PDZRN4: variants seen among roughly 807,000 people sequenced by gnomAD.
PDZRN4 encodes PDZ domain containing ring finger 4.
Under a neutral mutation model 99.0 loss-of-function variants are expected in PDZRN4, and 70 were observed. The ratio of observed to expected loss-of-function variants is 0.71; its 90% confidence interval spans 0.58 to 0.86. PDZRN4 has a LOEUF of 0.86. Ranked by LOEUF, PDZRN4 falls within the 40% of genes least tolerant of loss-of-function variation. The probability of loss-of-function intolerance (pLI) is 0.00; values close to 1 mark genes in which losing one functional copy is unlikely to be tolerated. For synonymous variants in PDZRN4, 551 were observed against 501.6 expected (o/e 1.10, Z -1.32); for missense variants, 1,474 against 1,331.2 (o/e 1.11, Z -1.67).
intron 5 of PDZRN4, among the ~76,000 whole-genome samples, chr12:41,533,453 G>T (rs903943148): frequency 6.6e-6 from 1 of 152,148 alleles, no homozygotes; most frequent in Admixed American, 6.5e-5. Context: ...GATTACAGGC[G>T]TGAGCCACTG....
chr12:41,528,514 C>T (rs556574364), intron 5 of PDZRN4, among the ~76,000 whole-genome samples: 1 of 152,288 alleles, frequency 6.6e-6, no homozygotes, highest in East Asian at 1.9e-4. Flanking sequence ...GGTCTGCCCA[C>T]TGTGTGGTCA....
rs1216910552 is a variant in PDZRN4 at position 41,188,799 on chromosome 12, G to A, written c.344G>A (p.Arg115His). Residue 115 changes from arginine (R) to histidine (H), a missense_variant, in exon 1 of 10, where the codon CGC becomes CAC. By Grantham distance (29) the Arg-to-His change is conservative (BLOSUM62 0). Transcript: ENST00000402685. The part of the protein sequence containing the change: ...DFGPARRLRS[R>H]GGCASGLGGG... ...GGCCCTGCCCGCCGGCTCCGCAGCC[G>A]CGGGGGCTGCGCTTCGGGGCTGGGC... The A allele has an allele frequency of 7.4e-7, 1 of 1,353,578 alleles. No individual in the cohort carries two copies. The highest frequency in any genetic ancestry group is 4.0e-5 in the Admixed American group (1 of 24,804). The allele number at this position is 1,353,578 out of a possible 1,614,324, so 83.8% of individuals were successfully genotyped here.
At chr12:41,406,673 C>A (rs1173185822) in intron 3 of PDZRN4, among the ~76,000 whole-genome samples, 1 of 151,918 alleles carries the variant, frequency 6.6e-6, no homozygotes, top group African/African-American at 2.4e-5. Context: ...GCGGGCAGAT[C>A]ACCTGAGGTC....
intron 3 of PDZRN4, among the ~76,000 whole-genome samples, chr12:41,438,356 T>A (rs568511321): frequency 6.6e-6 from 1 of 152,326 alleles, no homozygotes; most frequent in East Asian, 1.9e-4. Flanking sequence ...ATCAATTGTA[T>A]CATTGTCTGC....
At chr12:41,281,080 G>T (rs1450173972) in intron 3 of PDZRN4, among the ~76,000 whole-genome samples, 1 of 147,784 alleles carries the variant, frequency 6.8e-6, no homozygotes, top group Admixed American at 7.0e-5. Flanking sequence ...ACAGGGTCTG[G>T]AGTGGACCCA....
At chr12:41,269,329 T>G (rs1197267112) in intron 3 of PDZRN4, among the ~76,000 whole-genome samples, 1 of 152,188 alleles carries the variant, frequency 6.6e-6, no homozygotes, top group Non-Finnish European at 1.5e-5. Context: ...GAGAAAGCTA[T>G]ATAGAAATTT....
At chr12:41,465,509 A>G (rs1952916283) in intron 3 of PDZRN4, among the ~76,000 whole-genome samples, 1 of 152,226 alleles carries the variant, frequency 6.6e-6, no homozygotes, top group Non-Finnish European at 1.5e-5. Context: ...AACTTTATAA[A>G]TGGAAAGATT....
intron 3 of PDZRN4, among the ~76,000 whole-genome samples, chr12:41,405,950 C>A (rs1952345147): frequency 6.7e-6 from 1 of 149,260 alleles, no homozygotes; most frequent in Non-Finnish European, 1.5e-5. Context: ...AATACTACAG[C>A]AGGGTGGGGG....
chr12:41,510,949 A>G (rs12822321), intron 5 of PDZRN4, among the ~76,000 whole-genome samples: 7,914 of 152,110 alleles, frequency 0.052, 305 homozygotes, highest in South Asian at 0.08. Context: ...TTCATGTTAA[A>G]TTTTTACCTC....
In PDZRN4 at chr12:41,572,432, G is replaced by A; in HGVS notation, c.1653G>A (p.Lys551=). 1.2e-6 allele frequency: 2 copies of A among 1,614,120 alleles called. No individual in the cohort carries two copies. Among genetic ancestry groups the A allele is most frequent in the Non-Finnish European group, 1.7e-6 (2 of 1,179,996 alleles). ...TATSSSNNHE[K]DSGVGRTDES... Reference sequence around the variant, plus strand: ...CATCCTCATCCAACAACCATGAGAAGGACAGTGGAGTAGGACGTACAGATG... The same window carrying A: ...CATCCTCATCCAACAACCATGAGAAAGACAGTGGAGTAGGACGTACAGATG... The change falls in exon 10 of 10, where the codon AAG becomes AAA. Residue 551 remains lysine, a synonymous_variant. Coordinates refer to ENST00000402685, the MANE Select transcript of PDZRN4 (RefSeq NM_001164595.2).
At chr12:41,381,218 A>G (rs1431739907) in intron 3 of PDZRN4, among the ~76,000 whole-genome samples, 1 of 152,126 alleles carries the variant, frequency 6.6e-6, no homozygotes, top group African/African-American at 2.4e-5. Context: ...GATTAAACCT[A>G]TTTAGGACTA....
At chr12:41,353,783 C>CAACA (rs1348328561) in intron 3 of PDZRN4, among the ~76,000 whole-genome samples, 1 of 152,040 alleles carries the variant, frequency 6.6e-6, no homozygotes, top group Non-Finnish European at 1.5e-5. Context: ...GTAATTCTTC[C>CAACA]AACAATTGCC....
intron 3 of PDZRN4, among the ~76,000 whole-genome samples, chr12:41,215,384 T>C (rs929271659): frequency 6.6e-6 from 1 of 152,046 alleles, no homozygotes; most frequent in Non-Finnish European, 1.5e-5. Flanking sequence ...CCAGACCTAG[T>C]GAAATAATCT....
chr12:41,499,799 G>A (rs1458142926), intron 3 of PDZRN4, among the ~76,000 whole-genome samples: 2 of 151,978 alleles, frequency 1.3e-5, no homozygotes, highest in Non-Finnish European at 2.9e-5. Context: ...TCTGTAGAAG[G>A]GATCAGAAGC....
chr12:41,471,239 C>T (rs953232200), intron 3 of PDZRN4, among the ~76,000 whole-genome samples: 44 of 152,160 alleles, frequency 2.9e-4, no homozygotes, highest in African/African-American at 9.9e-4. Context: ...TTTCTGTTAA[C>T]CAACATCATG....
intron 3 of PDZRN4, among the ~76,000 whole-genome samples, chr12:41,347,389 T>C (rs1165211178): frequency 1.3e-5 from 2 of 152,162 alleles, no homozygotes; most frequent in African/African-American, 4.8e-5. Context: ...ATTTTGCTAA[T>C]GACTAATGAC....
At chr12:41,382,403 A>ACTT (rs892729162) in intron 3 of PDZRN4, among the ~76,000 whole-genome samples, 4 of 152,184 alleles carry the variant, frequency 2.6e-5, no homozygotes, top group African/African-American at 9.7e-5. Context: ...CTGATTGCAA[A>ACTT]CTTAGGAAAT....
At chr12:41,305,671 T>C (rs1951564865) in intron 3 of PDZRN4, among the ~76,000 whole-genome samples, 1 of 152,130 alleles carries the variant, frequency 6.6e-6, no homozygotes, top group African/African-American at 2.4e-5. Context: ...AAGCCCTACC[T>C]CCAAATACCA....
intron 5 of PDZRN4, among the ~76,000 whole-genome samples, chr12:41,536,257 A>G (rs1355435622): frequency 6.6e-6 from 1 of 152,246 alleles, no homozygotes; most frequent in Non-Finnish European, 1.5e-5. Context: ...TTCAGTGCTG[A>G]AAGAAATAAG....
Sources: allele counts gnomAD v4.1 joint callset (sites outside exome capture counted in the v4.1 genomes callset), GRCh38; gene constraint gnomAD v4.1.1; transcripts MANE v1.5; gene names NCBI Gene and HGNC (gene_info 2026-07-23, HGNC 2026-07-21).